The following EXOC6B variants were observed in gnomAD, a reference collection of about 807,000 sequenced individuals.
EXOC6B encodes the protein exocyst complex component 6B, also known as SEC15 homolog B.
EXOC6B carries 54 observed loss-of-function variants against 113.5 expected under a neutral mutation model. That is an observed-to-expected ratio of 0.48 (90% CI 0.38 to 0.60). The LOEUF is 0.60. Among genes scored for constraint, EXOC6B ranks in the 20% least tolerant of loss-of-function variants. The pLI, the probability that EXOC6B is intolerant of heterozygous loss-of-function variation, is 0.00. For missense variants in EXOC6B, 797 were observed against 977.5 expected (o/e 0.82, Z 2.46); for synonymous variants, 357 against 339.0 (o/e 1.05, Z -0.58).
chr2:72,811,330 G>A (rs2105128439), intron 1 of EXOC6B, among the ~76,000 whole-genome samples: 1 of 152,062 alleles, frequency 6.6e-6, no homozygotes, highest in South Asian at 2.1e-4. Flanking sequence ...GAAAAAAAAA[G>A]GCACGATAAA....
chr2:72,265,441 C>A (rs1167929321), intron 20 of EXOC6B, among the ~76,000 whole-genome samples: 1 of 145,226 alleles, frequency 6.9e-6, no homozygotes, highest in Admixed American at 7.0e-5. Context: ...GTGTGATGTT[C>A]CCCTTCCTGT....
intron 7 of EXOC6B, among the ~76,000 whole-genome samples, chr2:72,571,850 T>C (rs1158605599): frequency 7.3e-6 from 1 of 137,214 alleles, no homozygotes; most frequent in East Asian, 2.2e-4. Context: ...GTTTAGCTTT[T>C]CCTACCCACC....
At chr2:72,585,996 G>A (rs1705544698) in intron 6 of EXOC6B, among the ~76,000 whole-genome samples, 2 of 152,118 alleles carry the variant, frequency 1.3e-5, no homozygotes, top group Non-Finnish European at 2.9e-5. Flanking sequence ...TAAGCAATGG[G>A]AAAAGGAGTT....
intron 18 of EXOC6B, among the ~76,000 whole-genome samples, chr2:72,425,163 G>A (rs1695133880): frequency 6.6e-6 from 1 of 152,018 alleles, no homozygotes; most frequent in Non-Finnish European, 1.5e-5. Flanking sequence ...CTCCTTACCT[G>A]CTGTTTGTTT....
At chr2:72,524,447 C>T (rs1701660470) in intron 8 of EXOC6B, among the ~76,000 whole-genome samples, 2 of 152,102 alleles carry the variant, frequency 1.3e-5, no homozygotes, top group African/African-American at 4.8e-5. Flanking sequence ...CAAGGTCATT[C>T]AAGAGTCATG....
intron 6 of EXOC6B, among the ~76,000 whole-genome samples, chr2:72,714,706 A>G (rs1490725695): frequency 6.6e-6 from 1 of 152,230 alleles, no homozygotes; most frequent in Non-Finnish European, 1.5e-5. Context: ...AGATTCAAGC[A>G]TGATCTTACC....
At chr2:72,618,036 T>C (rs566903521) in intron 6 of EXOC6B, among the ~76,000 whole-genome samples, 2 of 152,172 alleles carry the variant, frequency 1.3e-5, no homozygotes, top group South Asian at 4.1e-4. Context: ...ATGTTGAAAT[T>C]TACCTGAGCC....
At chr2:72,431,485 T>TTATCTATCTATC (rs3062440) in intron 18 of EXOC6B, among the ~76,000 whole-genome samples, 5,889 of 133,834 alleles carry the variant, frequency 0.044, 177 homozygotes, top group African/African-American at 0.064. Flanking sequence ...CTTGATTTCT[T>TTATCTATCTATC]TATCTATCTA....
At chr2:72,802,717 A>C (rs1270237799) in intron 1 of EXOC6B, among the ~76,000 whole-genome samples, 2 of 152,222 alleles carry the variant, frequency 1.3e-5, no homozygotes, top group African/African-American at 4.8e-5. Context: ...GTTTTCTCAA[A>C]GACCTAAACC....
intron 6 of EXOC6B, among the ~76,000 whole-genome samples, chr2:72,604,878 A>G (rs1233331188): frequency 2.0e-5 from 3 of 152,348 alleles, no homozygotes; most frequent in South Asian, 4.1e-4. Context: ...CATTTAAAGT[A>G]GTAATAGCCT....
intron 18 of EXOC6B, among the ~76,000 whole-genome samples, chr2:72,406,352 C>T (rs1245499796): frequency 6.6e-6 from 1 of 152,024 alleles, no homozygotes; most frequent in African/African-American, 2.4e-5. Context: ...ACCAAGCAGA[C>T]CTAATAGACA....
chr2:72,503,770 A>G (rs1000495859), intron 11 of EXOC6B, among the ~76,000 whole-genome samples: 4 of 152,174 alleles, frequency 2.6e-5, no homozygotes, highest in African/African-American at 9.6e-5. Context: ...AAACTGTCAA[A>G]CTGTCCTCAA....
chr2:72,448,349 C>T (rs2105353121), intron 18 of EXOC6B, among the ~76,000 whole-genome samples: 1 of 152,224 alleles, frequency 6.6e-6, no homozygotes, highest in Admixed American at 6.5e-5. Flanking sequence ...ATCTCATTCT[C>T]TAAGTAAATG....
At chr2:72,685,441 G>A (rs1222288407) in intron 6 of EXOC6B, among the ~76,000 whole-genome samples, 1 of 152,056 alleles carries the variant, frequency 6.6e-6, no homozygotes, top group Admixed American at 6.6e-5. Flanking sequence ...GGGAAGATTG[G>A]TCCCAAAGGA....
chr2:72,764,075 T>C (rs1191337576), intron 1 of EXOC6B, among the ~76,000 whole-genome samples: 1 of 152,064 alleles, frequency 6.6e-6, no homozygotes, highest in Non-Finnish European at 1.5e-5. Context: ...CGAGCACTTG[T>C]CTTAAAAAAT....
At chr2:72,535,512 G>A (rs189418455) in intron 8 of EXOC6B, among the ~76,000 whole-genome samples, 1 of 152,236 alleles carries the variant, frequency 6.6e-6, no homozygotes, top group Non-Finnish European at 1.5e-5. Context: ...TGTGTGGCCT[G>A]ACGTGTGCAT....
chr2:72,473,379 G>C (rs1378585511), intron 17 of EXOC6B, among the ~76,000 whole-genome samples: 1 of 151,978 alleles, frequency 6.6e-6, no homozygotes, highest in East Asian at 1.9e-4. Context: ...TGCCAATATG[G>C]ATTTGGTGTT....
At chr2:72,289,917 T>C (rs1218105990) in intron 20 of EXOC6B, among the ~76,000 whole-genome samples, 6 of 152,310 alleles carry the variant, frequency 3.9e-5, no homozygotes, top group South Asian at 4.1e-4. Context: ...CTCTCTAATG[T>C]GGATGGGCCT....
chr2:72,372,080 A>G (rs1691059169), intron 19 of EXOC6B, among the ~76,000 whole-genome samples: 1 of 152,172 alleles, frequency 6.6e-6, no homozygotes, highest in Non-Finnish European at 1.5e-5. Context: ...AATAGCCACA[A>G]ATAAAAGTAA....
Sources: allele counts gnomAD v4.1 joint callset (sites outside exome capture counted in the v4.1 genomes callset), GRCh38; gene constraint gnomAD v4.1.1; transcripts MANE v1.5; gene names NCBI Gene and HGNC (gene_info 2026-07-23, HGNC 2026-07-21).